Variants in TAS1R1 observed in about 807,000 individuals in gnomAD.
The protein encoded by TAS1R1 is taste receptor type 1 member 1.
Under a neutral mutation model 45.8 loss-of-function variants are expected in TAS1R1, and 31 were observed. That is an observed-to-expected ratio of 0.68 (90% CI 0.51 to 0.91). TAS1R1 has a LOEUF of 0.91. Ranked by LOEUF, TAS1R1 falls within the 40% of genes least tolerant of loss-of-function variation. The probability of loss-of-function intolerance (pLI) is 0.00; values close to 1 mark genes in which losing one functional copy is unlikely to be tolerated. For missense variants in TAS1R1, 1,051 were observed against 1,063.9 expected (o/e 0.99, Z 0.17); for synonymous variants, 437 against 448.4 (o/e 0.97, Z 0.32).
In TAS1R1 at chr1:6,571,220, G is replaced by A. The variant is rs1359860559; in HGVS notation, c.498+5G>A. 1.3e-6 allele frequency: 2 copies of A among 1,554,938 alleles called. No homozygotes were observed. The highest frequency in any genetic ancestry group is 2.3e-5 in the East Asian group (1 of 44,390). ...AGCCCTTTCCTGGTGCCCATGGTAA[G>A]CTGGAGCCTCAGACCTTTGCCCATC... On this transcript the variant is annotated splice_donor_5th_base_variant and intron_variant, in intron 2 of 5. Transcript: ENST00000333172.
At chr1:6,556,594 G>T (rs1411947313) in intron 1 of TAS1R1, among the ~76,000 whole-genome samples, 1 of 151,788 alleles carries the variant, frequency 6.6e-6, no homozygotes, top group Admixed American at 6.6e-5. Context: ...AGAGACAGGG[G>T]TTTCACCATG....
At chr1:6,570,819 C>T in intron 1 of TAS1R1, 90 bp from the exon 2 acceptor site, 2 of 1,275,170 alleles carry the variant, frequency 1.6e-6, no homozygotes, top group Non-Finnish European at 2.2e-6. Context: ...CAAAGGTTCC[C>T]TTTGCTCCCA....
At chr1:6,561,392 A>G (rs1639785282) in intron 1 of TAS1R1, among the ~76,000 whole-genome samples, 1 of 152,148 alleles carries the variant, frequency 6.6e-6, no homozygotes, top group Admixed American at 6.6e-5. Flanking sequence ...AAACCTCAAC[A>G]GTTTTGAAGT....
Position 6,555,329 on chromosome 1 carries a change from T to C in TAS1R1, c.-45T>C, listed in dbSNP as rs769353348. The C allele has an allele frequency of 4.0e-6, 6 of 1,508,418 alleles. No homozygotes were observed. Among genetic ancestry groups the C allele is most frequent in the Non-Finnish European group, 5.3e-6 (6 of 1,123,756 alleles). 93.4% of individuals were successfully genotyped at this position (1,508,418 alleles called of 1,614,324 possible). A position where few individuals can be genotyped will look rare whatever the true frequency, so the allele number is the denominator to read the frequency against. On this transcript the variant is annotated 5_prime_UTR_variant, in exon 1 of 6. Coordinates refer to ENST00000333172, the MANE Select transcript of TAS1R1 (RefSeq NM_138697.4). ...CTTCTATTTAAGCAACTGGCCTCCT[T>C]AGAGGCCACTCCTTGGCCATGCCAG...
chr1:6,555,924 T>C (rs531197346), intron 1 of TAS1R1, among the ~76,000 whole-genome samples: 1 of 141,238 alleles, frequency 7.1e-6, no homozygotes, highest in African/African-American at 2.6e-5. Context: ...CAGGTGGGAC[T>C]GCAGTGGCGC....
At chr1:6,570,557 G>A (rs1639983844) in intron 1 of TAS1R1, among the ~76,000 whole-genome samples, 1 of 151,756 alleles carries the variant, frequency 6.6e-6, no homozygotes, top group Non-Finnish European at 1.5e-5. Context: ...TTTATAGAAT[G>A]TCCAGCCTGC....
intron 2 of TAS1R1, among the ~76,000 whole-genome samples, chr1:6,573,139 G>A (rs536376150): frequency 6.8e-4 from 104 of 152,314 alleles, no homozygotes; most frequent in Admixed American, 1.2e-3. Context: ...CCTCACTGAA[G>A]TCAGAGATAC....
At chr1:6,568,095 C>A (rs945058657) in intron 1 of TAS1R1, among the ~76,000 whole-genome samples, 1 of 152,030 alleles carries the variant, frequency 6.6e-6, no homozygotes, top group African/African-American at 2.4e-5. Flanking sequence ...GGGCCATCTT[C>A]AGCCTTTTTA....
intron 1 of TAS1R1, among the ~76,000 whole-genome samples, chr1:6,570,024 G>GGA (rs397979009): frequency 0.022 from 700 of 32,390 alleles, 5 homozygotes; most frequent in African/African-American, 0.039. Flanking sequence ...GGAGGGAGGG[G>GGA]GAGAGAGAGA....
intron 1 of TAS1R1, among the ~76,000 whole-genome samples, chr1:6,558,815 T>G (rs1387379075): frequency 6.6e-6 from 1 of 151,962 alleles, no homozygotes; most frequent in East Asian, 1.9e-4. Flanking sequence ...GCCTCCCAGA[T>G]TCAGGCGATC....
In TAS1R1 at chr1:6,578,782, C is replaced by CGCTGCTGCT. The variant is rs745439007; in HGVS notation, c.1737_1745dup (p.Leu580_Leu582dup). On this transcript the variant is annotated inframe_insertion, in exon 6 of 6. Transcript: ENST00000333172. ...TCTTGGGTGCTGCTGGCAGCTAACA[C>CGCTGCTGCT]GCTGCTGCTGCTGCTGCTGCTTGGG... 40 of 1,612,436 alleles carry CGCTGCTGCT rather than the reference C, an allele frequency of 2.5e-5. No homozygotes were observed. The African/African-American group carries it at 3.9e-4, about 16-fold the overall frequency.
In TAS1R1 at chr1:6,575,056, CAT is replaced by C. The variant is rs1195624762; in HGVS notation, c.925_926del (p.Ile309HisfsTer29). ...CAGAAGCCTGGGCCCTCTCCAGGCA[CAT>C]CACTGGGGTGCCCGGGATCCAGCGC... ...ASEAWALSRH[I>X]TGVPGIQRIG... is the part of the protein sequence containing the mutation. On this transcript the variant is annotated frameshift_variant, in exon 3 of 6. Coordinates refer to ENST00000333172, the MANE Select transcript of TAS1R1 (RefSeq NM_138697.4). LOFTEE classifies it high-confidence loss of function. 5 of 1,587,894 alleles carry C rather than the reference CAT, an allele frequency of 3.1e-6. No individual in the cohort carries two copies. The highest frequency in any genetic ancestry group is 4.3e-6 in the Non-Finnish European group (5 of 1,165,738).
Position 6,555,469 on chromosome 1 carries a change from C to A in TAS1R1, c.96C>A (p.Phe32Leu). 6.2e-7 allele frequency: 1 copy of A among 1,600,530 alleles called. No individual in the cohort carries two copies. The highest frequency in any genetic ancestry group is 2.3e-5 in the East Asian group (1 of 44,166). Residue 32 changes from phenylalanine (F) to leucine (L), a missense_variant, in exon 1 of 6, where the codon TTC (phenylalanine) becomes TTA (leucine). Transcript: ENST00000333172. Reference sequence around the variant, plus strand: ...ATAGCACGGAGTCTTCTCCTGACTTCACCCTCCCCGGAGATTACCTCCTGG... The same window carrying A: ...ATAGCACGGAGTCTTCTCCTGACTTAACCCTCCCCGGAGATTACCTCCTGG... ...ACHSTESSPD[F>L]TLPGDYLLAG...
chr1:6,565,065 G>A (rs1039207106), intron 1 of TAS1R1, among the ~76,000 whole-genome samples: 2 of 152,170 alleles, frequency 1.3e-5, no homozygotes, highest in Admixed American at 1.3e-4. Flanking sequence ...AAGGATTAGT[G>A]AGGAGATGTT....
Position 6,569,386 on chromosome 1 carries a change from T to C in TAS1R1, c.192-1523T>C, listed in dbSNP as rs192641221. Among the ~76,000 whole-genome samples the C allele has an allele frequency of 1.8e-3, 276 of 152,290 alleles. 1 individual carries two copies. The highest frequency in any genetic ancestry group is 6.5e-3 in the African/African-American group (272 of 41,568). The stretch of plus-strand genomic sequence containing the variant: ...TAAGGAATCTCGGACCACTTCCCAT[T>C]GCAGTGGCAAAAGTTGTCTAAGTCT... On this transcript the variant is annotated intron_variant, in intron 1 of 5. Coordinates refer to ENST00000333172, the MANE Select transcript of TAS1R1 (RefSeq NM_138697.4).
chr1:6,559,126 C>T (rs898685304), intron 1 of TAS1R1, among the ~76,000 whole-genome samples: 3 of 152,012 alleles, frequency 2.0e-5, no homozygotes, highest in African/African-American at 4.8e-5. Context: ...ATCTCCTGAC[C>T]TCGTGATCCA....
chr1:6,557,339 G>A (rs1639704146), intron 1 of TAS1R1, among the ~76,000 whole-genome samples: 2 of 149,486 alleles, frequency 1.3e-5, no homozygotes, highest in African/African-American at 5.1e-5. Context: ...TGAGAGACTC[G>A]GGACAGAAGT....
intron 1 of TAS1R1, among the ~76,000 whole-genome samples, chr1:6,558,047 T>TTG (rs1491034579): frequency 5.7e-5 from 8 of 139,612 alleles, no homozygotes; most frequent in East Asian, 4.2e-4. Context: ...TTTTTGTTTT[T>TTG]GTTTTTGTTT....
intron 1 of TAS1R1, among the ~76,000 whole-genome samples, chr1:6,561,349 C>T (rs140483041): frequency 3.3e-4 from 51 of 152,306 alleles, no homozygotes; most frequent in African/African-American, 8.7e-4. Context: ...TAAGAAGATG[C>T]GCAGTCCACC....
Sources: allele counts gnomAD v4.1 joint callset (sites outside exome capture counted in the v4.1 genomes callset), GRCh38; gene constraint gnomAD v4.1.1; transcripts MANE v1.5; gene names NCBI Gene and HGNC (gene_info 2026-07-23, HGNC 2026-07-21).